Variants in CTNND1 observed in about 807,000 individuals in gnomAD.
CTNND1 encodes the protein catenin delta-1.
Under a neutral mutation model 112.1 loss-of-function variants are expected in CTNND1, and 16 were observed. That is an observed-to-expected ratio of 0.14 (90% CI 0.10 to 0.22). CTNND1 has a LOEUF of 0.22. Among genes scored for constraint, CTNND1 ranks in the 10% least tolerant of loss-of-function variants. CTNND1 has a pLI of 1.00. For missense variants in CTNND1, 1,008 were observed against 1,257.0 expected (o/e 0.80, Z 3.00); for synonymous variants, 420 against 446.5 (o/e 0.94, Z 0.75).
intron 12 of CTNND1, 135 bp from the exon 13 acceptor site, chr11:57,808,030 A>T: frequency 1.1e-6 from 1 of 887,022 alleles, no homozygotes; most frequent in African/African-American, 1.7e-5. Context: ...AGAGAGTGTG[A>T]GAGAGTTTAG....
chr11:57,801,110 T>A (rs1296643204), intron 6 of CTNND1, among the ~76,000 whole-genome samples: 1 of 152,240 alleles, frequency 6.6e-6, no homozygotes, highest in Non-Finnish European at 1.5e-5. Context: ...TTCAAGTTTA[T>A]ACCTCATCAG....
At chr11:57,809,585 A>C (rs991106573) in intron 15 of CTNND1, 119 bp downstream of exon 15, 1 of 817,712 alleles carries the variant, frequency 1.2e-6, no homozygotes. Context: ...GTGAAGAGCT[A>C]TTGCTCTATT....
chr11:57,803,931 C>T, intron 8 of CTNND1, 127 bp downstream of exon 8: 1 of 641,674 alleles, frequency 1.6e-6, no homozygotes, highest in Non-Finnish European at 2.5e-6. Flanking sequence ...GTATTGCATA[C>T]TGTAACTCCA....
intron 10 of CTNND1, 69 bp from the exon 11 acceptor site, chr11:57,806,392 A>G: frequency 1.4e-6 from 2 of 1,391,370 alleles, no homozygotes; most frequent in South Asian, 1.2e-5. Context: ...TTCTGCTGAC[A>G]TCTTTCTCCT....
At chr11:57,779,476 A>T (rs2059346988) in intron 1 of CTNND1, among the ~76,000 whole-genome samples, 1 of 152,018 alleles carries the variant, frequency 6.6e-6, no homozygotes, top group Non-Finnish European at 1.5e-5. Flanking sequence ...TGAGTCCTTA[A>T]CTTTGAGCCA....
intron 17 of CTNND1, among the ~76,000 whole-genome samples, chr11:57,812,283 G>T (rs995627854): frequency 3.3e-5 from 5 of 152,174 alleles, no homozygotes; most frequent in Admixed American, 1.3e-4. Flanking sequence ...ACTTTGGGAG[G>T]CTGAGGCGGG....
chr11:57,762,362 TTTTA>T (rs1222904730), intron 1 of CTNND1, among the ~76,000 whole-genome samples: 1 of 152,104 alleles, frequency 6.6e-6, no homozygotes, highest in Non-Finnish European at 1.5e-5. Flanking sequence ...TGTTCTTTGA[TTTTA>T]TTTATTTATT....
intron 18 of CTNND1, 135 bp downstream of exon 18, chr11:57,814,508 T>C: frequency 1.6e-6 from 1 of 643,144 alleles, no homozygotes; most frequent in Non-Finnish European, 2.7e-6. Flanking sequence ...TCATTTCCAT[T>C]TTGAAGGATG....
chr11:57,796,373 C>T, intron 5 of CTNND1, 84 bp from the exon 6 acceptor site: 1 of 1,312,882 alleles, frequency 7.6e-7, no homozygotes, highest in Non-Finnish European at 1.0e-6. Context: ...GGCAACAGTG[C>T]AAGACTCCAT....
chr11:57,807,102 G>A (rs944953035), intron 12 of CTNND1, 119 bp downstream of exon 12: 1 of 807,150 alleles, frequency 1.2e-6, no homozygotes, highest in East Asian at 2.7e-5. Flanking sequence ...CCAACTTACA[G>A]ATTTGAAATG....
At position 57,796,975 on chromosome 11, in the gene CTNND1, C is replaced by CACATCATA; in HGVS notation, c.939_940insACATCATA (p.Pro314ThrfsTer14). 1 of 1,478,370 alleles carries CACATCATA rather than the reference C, an allele frequency of 6.8e-7. No individual in the cohort carries two copies. Among genetic ancestry groups the CACATCATA allele is most frequent in the South Asian group, 1.5e-5 (1 of 68,372 alleles). 91.6% of individuals were successfully genotyped at this position (1,478,370 alleles called of 1,614,324 possible). On this transcript the variant is annotated frameshift_variant, in exon 6 of 21. Transcript: ENST00000399050. LOFTEE classifies it high-confidence loss of function. ...CCCGTCGGACTGGGACACCCTCTGA[C>CACATCATA]CCTCGTCGGCGCCTCAGGTAGGCAA...
Position 57,815,432 on chromosome 11 carries a change from A to G in CTNND1, c.2740A>G (p.Asn914Asp). 1 of 1,611,978 alleles carries G rather than the reference A, an allele frequency of 6.2e-7. No individual in the cohort carries two copies. Among genetic ancestry groups the G allele is most frequent in the Non-Finnish European group, 8.5e-7 (1 of 1,179,060 alleles). The change falls in exon 19 of 21, where the codon AAT becomes GAT. Residue 914 changes from asparagine to aspartate, a missense_variant. Physicochemically the swap from Asn to Asp is conservative, Grantham distance 23 (BLOSUM62 1). This residue lies in a region of CTNND1 where 106 missense variants were observed against 116.2 expected (regional missense o/e 0.91). Transcript: ENST00000399050. Reference protein sequence around the residue: ...YSTPNERGDHNRTLDRSGDLG... With the variant: ...YSTPNERGDHDRTLDRSGDLG... ...CACACCAAATGAGAGAGGAGACCAC[A>G]ATAGAACACTGGATCGATCGGGGGA... is the stretch of plus-strand genomic sequence containing the variant.
In CTNND1 at chr11:57,815,943, A is replaced by G. The variant is rs562563113; in HGVS notation, c.2837A>G (p.Glu946Gly). The G allele has an allele frequency of 1.1e-4, 177 of 1,606,958 alleles. No homozygotes were observed. The South Asian group carries it at 1.9e-3, about 17-fold the overall frequency. ...MQDEGQESLE[E>G]ELDVLVLDDE... ...GACGAGGGGCAGGAATCTCTGGAGG[A>G]AGAGTTGGATGTGTTGGTTTTGGAT... Residue 946 changes from glutamate (E) to glycine (G), a missense_variant, in exon 20 of 21, where the codon GAA becomes GGA. This residue lies in a region of CTNND1 where 106 missense variants were observed against 116.2 expected (regional missense o/e 0.91). Coordinates refer to ENST00000399050, the MANE Select transcript of CTNND1 (RefSeq NM_001085458.2).
intron 13 of CTNND1, 26 bp from the exon 14 acceptor site, chr11:57,808,364 C>T (rs770493370): frequency 6.3e-7 from 1 of 1,598,096 alleles, no homozygotes; most frequent in Non-Finnish European, 8.6e-7. Context: ...GTAATTTGTT[C>T]CACCCCTTTC....
In CTNND1 at chr11:57,815,455, G is replaced by A. The variant is rs1217758590; in HGVS notation, c.2763G>A (p.Gly921=). 3.1e-6 allele frequency: 5 copies of A among 1,612,790 alleles called. No individual in the cohort carries two copies. Among genetic ancestry groups the A allele is most frequent in the Non-Finnish European group, 4.2e-6 (5 of 1,179,410 alleles). Residue 921 remains glycine (G), a synonymous_variant, in exon 19 of 21, where the codon GGG becomes GGA. Transcript: ENST00000399050. ...GDHNRTLDRS[G]DLGDMEPLKG... Reference sequence around the variant, plus strand: ...ACAATAGAACACTGGATCGATCGGGGGATCTAGGCGACATGGAGCCATTGA... The same window carrying A: ...ACAATAGAACACTGGATCGATCGGGAGATCTAGGCGACATGGAGCCATTGA...
chr11:57,796,742 C>T lies in CTNND1; in HGVS notation c.706C>T (p.Arg236Cys), dbSNP rs201307327. ...CTATGGCAGTCTGTCCCGGGTGACC[C>T]GCATTGAGGAGCGGTATAGGCCCAG... ...DNYGSLSRVT[R>C]IEERYRPSME... The change falls in exon 6 of 21, where the codon CGC (arginine) becomes TGC (cysteine). Residue 236 changes from arginine (R) to cysteine (C), a missense_variant. By Grantham distance (180) the Arg-to-Cys change is radical. Around this residue, in one of 5 missense-constraint regions of CTNND1, gnomAD observed 404 missense variants for 457.9 expected, o/e 0.88. Transcript: ENST00000399050. 90 of 1,613,712 alleles carry T rather than the reference C, an allele frequency of 5.6e-5. No homozygotes were observed. Among genetic ancestry groups the T allele is most frequent in the Admixed American group, 1.2e-4 (7 of 59,992 alleles).
intron 2 of CTNND1, 81 bp from the exon 3 acceptor site, chr11:57,791,304 C>T: frequency 8.3e-7 from 1 of 1,198,912 alleles, no homozygotes. Flanking sequence ...GAGAGGGCAT[C>T]TTTGGCTCTG....
At position 57,788,558 on chromosome 11, in the gene CTNND1, C is replaced by T. The variant is rs1001659346; in HGVS notation, c.-213-479C>T. ...GGGAGCGTGGGAAAGGGAACTGAAGCAAAAGGCTCAGCCTAGGCTAGTCCC... is the reference window on the plus strand; with the variant it reads ...GGGAGCGTGGGAAAGGGAACTGAAGTAAAAGGCTCAGCCTAGGCTAGTCCC... On this transcript the variant is annotated intron_variant, in intron 1 of 20. Transcript: ENST00000399050. This position sits in a 1 kb window ranked among gnomAD's most constrained non-coding sequence, Gnocchi z 4.1. Among the ~76,000 whole-genome samples, 1 of 152,028 alleles carries T rather than the reference C, an allele frequency of 6.6e-6. No individual in the cohort carries two copies. The highest frequency in any genetic ancestry group is 1.5e-5 in the Non-Finnish European group (1 of 68,004).
chr11:57,795,541 A>C, intron 4 of CTNND1, 36 bp from the exon 5 acceptor site: 2 of 1,586,218 alleles, frequency 1.3e-6, no homozygotes, highest in Non-Finnish European at 1.7e-6. Flanking sequence ...CATAGCACTT[A>C]ATAGTAGTTT....
Sources: allele counts gnomAD v4.1 joint callset (sites outside exome capture counted in the v4.1 genomes callset), GRCh38; gene constraint gnomAD v4.1.1; regional missense constraint gnomAD v4.1.1; non-coding constraint Gnocchi (gnomAD v3.1); transcripts MANE v1.5; gene names NCBI Gene and HGNC (gene_info 2026-07-23, HGNC 2026-07-21).